The following ARHGEF4 variants were observed in gnomAD, a reference collection of about 807,000 sequenced individuals.
The protein encoded by ARHGEF4 is Rho guanine nucleotide exchange factor 4.
A neutral mutation model predicts 162.0 loss-of-function variants in ARHGEF4; 119 were observed. The ratio of observed to expected loss-of-function variants is 0.73; its 90% CI spans 0.63 to 0.86. The LOEUF is 0.86. ARHGEF4 is among the 40% of genes least tolerant of loss of function. The pLI, the probability that ARHGEF4 is intolerant of heterozygous loss-of-function variation, is 0.00. For missense variants in ARHGEF4, 2,488 were observed against 2,456.0 expected (o/e 1.01, Z -0.28); for synonymous variants, 1,014 against 979.9 (o/e 1.03, Z -0.65).
Position 130,931,206 on chromosome 2 carries a change from C to T in ARHGEF4, c.3807C>T (p.Ala1269=). ...AGAGAAAGAAGTTGCAGAAGCAGGCCCACGTCGAAAGGAGGCTGCACATAG... is the reference window on the plus strand; with the variant it reads ...AGAGAAAGAAGTTGCAGAAGCAGGCTCACGTCGAAAGGAGGCTGCACATAG... ...KTQRKKLQKQ[A]HVERRLHIGA... Residue 1269 remains alanine (A), a synonymous_variant, in exon 3 of 14, where the codon GCC becomes GCT. Transcript: ENST00000409359. 6.2e-7 allele frequency: 1 copy of T among 1,613,854 alleles called. No individual in the cohort carries two copies. The highest frequency in any genetic ancestry group is 2.2e-5 in the East Asian group (1 of 44,868).
chr2:130,904,446 A>G (rs1015447937), intron 1 of ARHGEF4, among the ~76,000 whole-genome samples: 1 of 152,186 alleles, frequency 6.6e-6, no homozygotes, highest in Non-Finnish European at 1.5e-5. Flanking sequence ...AGGTTTGGCT[A>G]GAAGTGCAGT....
At chr2:130,989,616 G>C (rs1271590325) in intron 4 of ARHGEF4, among the ~76,000 whole-genome samples, 1 of 152,192 alleles carries the variant, frequency 6.6e-6, no homozygotes, top group Non-Finnish European at 1.5e-5. Context: ...AGATCAATTT[G>C]TAACATTTTA....
At chr2:130,850,954 A>G (rs1681368191) in intron 1 of ARHGEF4, among the ~76,000 whole-genome samples, 1 of 152,232 alleles carries the variant, frequency 6.6e-6, no homozygotes, top group African/African-American at 2.4e-5. Flanking sequence ...GGCCCTCGGT[A>G]TAGCCTGGGC....
At chr2:130,945,746 C>G (rs1400405317) in intron 3 of ARHGEF4, among the ~76,000 whole-genome samples, 2 of 152,184 alleles carry the variant, frequency 1.3e-5, no homozygotes, top group Non-Finnish European at 2.9e-5. Context: ...AACGGCTGAT[C>G]TATACACTCT....
intron 1 of ARHGEF4, among the ~76,000 whole-genome samples, chr2:130,880,656 C>T (rs1679128899): frequency 6.6e-6 from 1 of 152,146 alleles, no homozygotes; most frequent in Non-Finnish European, 1.5e-5. Flanking sequence ...TGCCCCAGCC[C>T]CCTGATTAGT....
chr2:130,899,970 G>A (rs1680391695), intron 1 of ARHGEF4, among the ~76,000 whole-genome samples: 1 of 151,948 alleles, frequency 6.6e-6, no homozygotes, highest in Non-Finnish European at 1.5e-5. Context: ...AACTTTCCTT[G>A]AGACTTCCTC....
At position 130,930,598 on chromosome 2, in the gene ARHGEF4, G is replaced by T. The variant is rs561269619; in HGVS notation, c.3553-354G>T. ...TCAGTTTTGTTCATAAGGGAATGTT[G>T]TTTAAACGGGAACTTTTACCCCAGT... On this transcript the variant is annotated intron_variant, in intron 2 of 13. Transcript: ENST00000409359. Among the ~76,000 whole-genome samples the T allele has an allele frequency of 4.5e-3, 687 of 152,214 alleles. 3 individuals are homozygous for T. Among genetic ancestry groups the T allele is most frequent in the Non-Finnish European group, 7.2e-3 (488 of 68,014 alleles).
intron 1 of ARHGEF4, 136 bp from the exon 2 acceptor site, chr2:130,913,850 C>G (rs995690671): frequency 3.8e-6 from 4 of 1,051,578 alleles, no homozygotes; most frequent in Non-Finnish European, 5.4e-6. Context: ...ATACTTACCT[C>G]CCTTCCTAGG....
chr2:130,885,518 G>C (rs34735715), intron 1 of ARHGEF4, among the ~76,000 whole-genome samples: 17,922 of 151,192 alleles, frequency 0.12, 1,225 homozygotes, highest in South Asian at 0.17. Flanking sequence ...TGTAGTGGAG[G>C]GGGGTGAGGG....
chr2:130,846,800 G>A (rs925518055), intron 1 of ARHGEF4, among the ~76,000 whole-genome samples: 3 of 152,178 alleles, frequency 2.0e-5, no homozygotes, highest in African/African-American at 4.8e-5. Context: ...GGCAATGCAC[G>A]TTTGTCTGTG....
intron 4 of ARHGEF4, among the ~76,000 whole-genome samples, chr2:130,949,074 T>G (rs1683794872): frequency 6.6e-6 from 1 of 152,186 alleles, no homozygotes; most frequent in South Asian, 2.1e-4. Flanking sequence ...TCTGCCCAGT[T>G]CTGGGAGAAT....
Position 130,967,505 on chromosome 2 carries a change from A to G in ARHGEF4, c.3985+20870A>G, listed in dbSNP as rs181210193. ...AGTTTTCATGTTCACCTCCTTTTCCATGGTCAGTGTCATGGGATCTCTTCT... is the reference window on the plus strand; with the variant it reads ...AGTTTTCATGTTCACCTCCTTTTCCGTGGTCAGTGTCATGGGATCTCTTCT... On this transcript the variant is annotated intron_variant, in intron 4 of 13. Coordinates refer to ENST00000409359, the MANE Select transcript of ARHGEF4 (RefSeq NM_001367493.1). Among the ~76,000 whole-genome samples, 1,035 of 151,766 alleles carry G rather than the reference A, an allele frequency of 6.8e-3. 5 individuals carry two copies. Among genetic ancestry groups the G allele is most frequent in the Non-Finnish European group, 0.012 (806 of 67,926 alleles).
chr2:130,867,110 C>G (rs1232373101), intron 1 of ARHGEF4, among the ~76,000 whole-genome samples: 1 of 152,058 alleles, frequency 6.6e-6, no homozygotes, highest in Non-Finnish European at 1.5e-5. Context: ...ACCCTTGTGT[C>G]TTTCAAGGAA....
At chr2:130,965,429 A>T (rs1383731798) in intron 4 of ARHGEF4, among the ~76,000 whole-genome samples, 1 of 152,254 alleles carries the variant, frequency 6.6e-6, no homozygotes, top group African/African-American at 2.4e-5. Context: ...TGAATAATCC[A>T]GCTGTTGATG....
At chr2:130,928,169 T>G (rs4247443) in intron 2 of ARHGEF4, among the ~76,000 whole-genome samples, 123,618 of 152,112 alleles carry the variant, frequency 0.81, 51,778 homozygotes, top group East Asian at 1. Flanking sequence ...ATGTGGGCAT[T>G]TGTGGAGCTA....
Position 130,916,213 on chromosome 2 carries a change from A to C in ARHGEF4, c.2267A>C (p.Glu756Ala). The C allele has an allele frequency of 6.5e-7, 1 of 1,546,288 alleles. No individual in the cohort carries two copies. ...GAGCGTGGCCCGGAGGAGGCCCCCG[A>C]AGGCGGTGCTGCAGCAGCCCGGGGC... ...SGERGPEEAP[E>A]GGAAAARGQR... The change falls in exon 2 of 14, where the codon GAA becomes GCA. Residue 756 changes from glutamate to alanine, a missense_variant. Around this residue, in one of 6 missense-constraint regions of ARHGEF4, gnomAD observed 1,642 missense variants for 1,481.5 expected, o/e 1.11. Transcript: ENST00000409359.
intron 1 of ARHGEF4, among the ~76,000 whole-genome samples, chr2:130,859,083 A>G (rs1681906399): frequency 1.2e-4 from 1 of 8,244 alleles, no homozygotes; most frequent in African/African-American, 2.6e-4. Flanking sequence ...AAAAGCAGAA[A>G]TGACAAAAGA....
chr2:130,842,228 A>G (rs1008554286), intron 1 of ARHGEF4, among the ~76,000 whole-genome samples: 17 of 152,154 alleles, frequency 1.1e-4, no homozygotes, highest in Non-Finnish European at 1.5e-5. Context: ...GCAAGGGTTC[A>G]GTGGGGTTGT....
intron 4 of ARHGEF4, among the ~76,000 whole-genome samples, chr2:130,979,937 A>G (rs1317986699): frequency 6.6e-6 from 1 of 152,134 alleles, no homozygotes; most frequent in Non-Finnish European, 1.5e-5. Flanking sequence ...CTAATACTTA[A>G]CTATCATTCT....
Sources: gnomAD v4.1 joint callset for allele counts (sites outside exome capture counted in the v4.1 genomes callset) on GRCh38, gnomAD v4.1.1 for gene constraint, gnomAD v4.1.1 regional missense constraint, MANE v1.5 for transcripts, NCBI Gene and HGNC (gene_info 2026-07-23, HGNC 2026-07-21) for gene names.